Variants in ANKRD42 observed in about 807,000 individuals in gnomAD.
ANKRD42 encodes the protein ankyrin repeat domain 42.
Under a neutral mutation model 51.5 loss-of-function variants are expected in ANKRD42, and 43 were observed. The observed-to-expected ratio is 0.83, with a 90% CI of 0.65 to 1.08. The LOEUF (loss-of-function observed/expected upper bound fraction) is 1.08, where lower values mean the gene tolerates loss of function less well. Ranked by LOEUF, ANKRD42 falls within the 50% of genes least tolerant of loss-of-function variation. The pLI, the probability that ANKRD42 is intolerant of heterozygous loss-of-function variation, is 0.00. For missense variants in ANKRD42, 608 were observed against 629.3 expected, an observed-to-expected ratio of 0.97 and a Z score of 0.36; for synonymous variants, 203 against 213.0, an observed-to-expected ratio of 0.95 and a Z score of 0.41.
chr11:83,213,328 G>T, intron 5 of ANKRD42: 1 of 1,584,056 alleles, frequency 6.3e-7, no homozygotes, highest in Non-Finnish European at 8.5e-7. Context: ...CAAAGCCATC[G>T]TGGAAAGAGC....
At chr11:83,228,160 A>C (rs532315748) in intron 7 of ANKRD42, among the ~76,000 whole-genome samples, 5 of 147,866 alleles carry the variant, frequency 3.4e-5, no homozygotes, top group African/African-American at 1.2e-4. Context: ...CTGCTAGAGA[A>C]GTTTCTTAGG....
At chr11:83,200,345 A>G (rs1419807257) in intron 2 of ANKRD42, among the ~76,000 whole-genome samples, 1 of 151,998 alleles carries the variant, frequency 6.6e-6, no homozygotes, top group African/African-American at 2.4e-5. Context: ...CTTCTACATA[A>G]TTCATTTATT....
chr11:83,206,170 T>A lies in ANKRD42; in HGVS notation c.330+5T>A. On this transcript the variant is annotated splice_donor_5th_base_variant and intron_variant, in intron 3 of 10. Transcript: ENST00000533342. ...GGTCAGGATGCTTGTGTACAGGTAATAATATTACTTTTTTCAGTAAGTTCA... is the reference window on the plus strand; with the variant it reads ...GGTCAGGATGCTTGTGTACAGGTAAAAATATTACTTTTTTCAGTAAGTTCA... 3 of 1,599,722 alleles carry A rather than the reference T, an allele frequency of 1.9e-6. No homozygotes were observed. The highest frequency in any genetic ancestry group is 1.7e-6 in the Non-Finnish European group (2 of 1,168,866).
rs138224683 is a variant in ANKRD42, at chr11:83,227,987, G to A, written c.913+115G>A. On this transcript the variant is annotated intron_variant, in intron 7 of 10. Transcript: ENST00000533342. ...CATGAAACTTTTTTCTGATACCCTA[G>A]CAGATATCAGTCTATCTTGTATGGT... The A allele has an allele frequency of 2.0e-5, 24 of 1,196,370 alleles. No homozygotes were observed. The Admixed American group carries it at 4.7e-4, about 23-fold the overall frequency. The allele number at this position is 1,196,370 out of a possible 1,614,324, so 74.1% of individuals were successfully genotyped here.
At chr11:83,208,062 C>T (rs1862146640) in intron 3 of ANKRD42, among the ~76,000 whole-genome samples, 1 of 152,120 alleles carries the variant, frequency 6.6e-6, no homozygotes, top group Non-Finnish European at 1.5e-5. Context: ...CTTGCTCTGT[C>T]ACCCTGGCTG....
intron 3 of ANKRD42, among the ~76,000 whole-genome samples, chr11:83,208,687 T>C (rs1256527343): frequency 1.3e-5 from 2 of 152,082 alleles, no homozygotes. Flanking sequence ...CAGATAATTA[T>C]GATGGAATGA....
intron 4 of ANKRD42, among the ~76,000 whole-genome samples, chr11:83,210,628 T>G (rs1466300442): frequency 2.6e-5 from 4 of 152,236 alleles, no homozygotes. Context: ...AATTCAGTAT[T>G]ACAAAGTACT....
At chr11:83,239,968 T>C (rs1863339198) in intron 8 of ANKRD42, among the ~76,000 whole-genome samples, 1 of 152,222 alleles carries the variant, frequency 6.6e-6, no homozygotes, top group African/African-American at 2.4e-5. Flanking sequence ...TACAACTTCC[T>C]GCATATGTTT....
intron 5 of ANKRD42, among the ~76,000 whole-genome samples, chr11:83,220,584 C>T (rs981600290): frequency 2.0e-5 from 3 of 152,132 alleles, no homozygotes; most frequent in Non-Finnish European, 2.9e-5. Flanking sequence ...AAAGCTTCCA[C>T]GGCATGGAAG....
At chr11:83,227,464 C>T (rs952707426) in intron 6 of ANKRD42, among the ~76,000 whole-genome samples, 1 of 125,450 alleles carries the variant, frequency 8.0e-6, no homozygotes, top group Non-Finnish European at 1.7e-5. Context: ...ATGACCATCC[C>T]CTGTGTTTTG....
In ANKRD42 at chr11:83,211,428, C is replaced by A. The variant is rs1182601457; in HGVS notation, c.584C>A (p.Pro195Gln). ...GATGTGGACTACAATGGAAACCTTC[C>A]AGGTATTTTAAATAAAGCAAATATT... ...IEDVDYNGNL[P>Q]VHLAAMEGHL... is the part of the protein sequence containing the mutation. The change falls in exon 5 of 11, where the codon CCA becomes CAA. Residue 195 changes from proline (P) to glutamine (Q), a missense_variant and splice_region_variant. Pro to Gln is a moderately conservative substitution (Grantham distance 76, BLOSUM62 -1). Transcript: ENST00000533342. 2 of 1,613,480 alleles carry A rather than the reference C, an allele frequency of 1.2e-6. No homozygotes were observed.
chr11:83,260,619 C>T (rs1338430128), downstream of ANKRD42: 1 of 152,166 alleles, frequency 6.6e-6, no homozygotes, highest in Non-Finnish European at 1.5e-5. Context: ...TATAGCTAAA[C>T]AAATGACAAG....
At chr11:83,213,133 C>T in intron 5 of ANKRD42, 1 of 1,601,852 alleles carries the variant, frequency 6.2e-7, no homozygotes, top group Non-Finnish European at 8.5e-7. Context: ...GTATTGACAA[C>T]AGGGTTCGTA....
intron 5 of ANKRD42, chr11:83,213,176 T>C (rs755323484): frequency 7.5e-6 from 12 of 1,601,274 alleles, no homozygotes; most frequent in Non-Finnish European, 1.0e-5. Context: ...ATGCCCAACA[T>C]TGGTTGTGGG....
chr11:83,205,961 A>T, intron 2 of ANKRD42, 97 bp from the exon 3 acceptor site: 2 of 970,122 alleles, frequency 2.1e-6, no homozygotes, highest in Non-Finnish European at 3.1e-6. Flanking sequence ...TCTCTCATTC[A>T]CTACAGTCTG....
downstream of ANKRD42, among the ~76,000 whole-genome samples, chr11:83,263,065 A>G (rs955756941): frequency 3.3e-5 from 5 of 152,090 alleles, no homozygotes; most frequent in Non-Finnish European, 7.4e-5. Context: ...TTTAAGACTA[A>G]GTGTACTTGA....
intron 7 of ANKRD42, among the ~76,000 whole-genome samples, chr11:83,230,727 C>G (rs773464016): frequency 3.9e-5 from 6 of 152,116 alleles, no homozygotes; most frequent in Non-Finnish European, 7.3e-5. Flanking sequence ...GCTGGGACTA[C>G]AGGTGTGTGC....
chr11:83,202,704 A>T (rs954464880), intron 2 of ANKRD42, among the ~76,000 whole-genome samples: 2 of 152,144 alleles, frequency 1.3e-5, no homozygotes, highest in Non-Finnish European at 2.9e-5. Context: ...TCTCCCAACT[A>T]GTTACTGACT....
intron 3 of ANKRD42, among the ~76,000 whole-genome samples, chr11:83,206,975 C>T (rs951771297): frequency 1.3e-5 from 2 of 152,110 alleles, no homozygotes; most frequent in Non-Finnish European, 2.9e-5. Flanking sequence ...CATTCTCACA[C>T]TACTATGAAG....
Sources: allele counts gnomAD v4.1 joint callset (sites outside exome capture counted in the v4.1 genomes callset), GRCh38; gene constraint gnomAD v4.1.1; transcripts MANE v1.5; gene names NCBI Gene and HGNC (gene_info 2026-07-23, HGNC 2026-07-21).